LARP4: variants seen among roughly 807,000 people sequenced by gnomAD.
LARP4 encodes la-related protein 4.
A neutral mutation model predicts 92.9 loss-of-function variants in LARP4; 29 were observed. The ratio of observed to expected loss-of-function variants is 0.31; its 90% CI spans 0.23 to 0.43. LARP4 has a LOEUF of 0.43. Ranked by LOEUF, LARP4 falls within the 20% of genes least tolerant of loss-of-function variation. LARP4 has a pLI of 1.00. For synonymous variants in LARP4, 279 were observed against 284.1 expected, an observed-to-expected ratio of 0.98 and a Z score of 0.18; for missense variants, 732 against 860.0, an observed-to-expected ratio of 0.85 and a Z score of 1.86.
chr12:50,449,923 ATTTTTTTTTTTTTTT>A (rs60763691), intron 8 of LARP4, among the ~76,000 whole-genome samples: 3 of 47,046 alleles, frequency 6.4e-5, no homozygotes, highest in South Asian at 1.4e-3. Flanking sequence ...AGCCATAGCA[ATTTTTTTTTTTTTTT>A]TTTTTTTTTT....
intron 1 of LARP4, among the ~76,000 whole-genome samples, chr12:50,417,818 C>G (rs1184669147): frequency 2.0e-5 from 3 of 152,174 alleles, no homozygotes; most frequent in Non-Finnish European, 2.9e-5. Flanking sequence ...CTCAGCCTCC[C>G]AAGTGGCTGG....
At chr12:50,408,906 G>A (rs1273174694) in intron 1 of LARP4, among the ~76,000 whole-genome samples, 2 of 152,102 alleles carry the variant, frequency 1.3e-5, no homozygotes, top group African/African-American at 4.8e-5. Context: ...ACTTTGGGAG[G>A]CTGAGGTGGG....
intron 1 of LARP4, among the ~76,000 whole-genome samples, chr12:50,421,710 C>T (rs1021197154): frequency 2.0e-5 from 3 of 151,768 alleles, no homozygotes; most frequent in Admixed American, 1.3e-4. Flanking sequence ...GTGGGGAGAA[C>T]ACCAATCTGG....
At chr12:50,461,502 T>G in intron 11 of LARP4, 155 bp downstream of exon 11, 1 of 804,940 alleles carries the variant, frequency 1.2e-6, no homozygotes, top group Non-Finnish European at 1.9e-6. Context: ...AGTTGGTTGC[T>G]TTTTATAATT....
intron 7 of LARP4, 130 bp from the exon 8 acceptor site, chr12:50,441,460 C>T: frequency 1.8e-6 from 1 of 562,974 alleles, no homozygotes; most frequent in Non-Finnish European, 3.1e-6. Context: ...CATTCCCTGT[C>T]CACCTGCACA....
chr12:50,401,337 A>T (rs1399471180), intron 1 of LARP4: 6 of 346,674 alleles, frequency 1.7e-5, no homozygotes, highest in East Asian at 6.1e-5. Flanking sequence ...AGGAGGCAGC[A>T]TTGGGGGGTT....
chr12:50,453,145 G>T (rs1953564736), intron 8 of LARP4, among the ~76,000 whole-genome samples: 1 of 150,906 alleles, frequency 6.6e-6, no homozygotes, highest in African/African-American at 2.4e-5. Context: ...GAACTCCTGG[G>T]CTCATGCGAT....
intron 2 of LARP4, among the ~76,000 whole-genome samples, chr12:50,428,486 G>A (rs1372815846): frequency 3.9e-5 from 6 of 152,014 alleles, no homozygotes; most frequent in Non-Finnish European, 7.4e-5. Context: ...AGTAGTAGCC[G>A]TGTTTTTGGG....
chr12:50,476,502 C>T lies in LARP4; in HGVS notation c.*638C>T, dbSNP rs1343979571. 6.6e-6 allele frequency: 1 copy of T among 152,210 alleles called. No individual in the cohort carries two copies. Among genetic ancestry groups the T allele is most frequent in the Non-Finnish European group, 1.5e-5 (1 of 67,984 alleles). The allele number at this position is 152,210 out of a possible 1,614,324, so 9.4% of individuals were successfully genotyped here. Reference sequence around the variant, plus strand: ...TTTTTTTTCTAGTTTGAAATTTAGTCTGTCTTTTTGACCTTACTAATATTT... The same window carrying T: ...TTTTTTTTCTAGTTTGAAATTTAGTTTGTCTTTTTGACCTTACTAATATTT... On this transcript the variant is annotated 3_prime_UTR_variant, in exon 16 of 16. Transcript: ENST00000398473.
intron 4 of LARP4, 90 bp downstream of exon 4, chr12:50,430,660 ATT>A: frequency 1.1e-5 from 7 of 618,556 alleles, no homozygotes; most frequent in Non-Finnish European, 1.6e-5. Flanking sequence ...TATTTAACTA[ATT>A]TTTTTTTTTA....
rs60763691 is a variant in LARP4 at position 50,449,923 on chromosome 12, A to ATTTTT, written c.805-3512_805-3508dup. ...GACCTTTTGTTATACAGCCATAGCA[A>ATTTTT]TTTTTTTTTTTTTTTTTTTTTTTTT... is the stretch of plus-strand genomic sequence containing the variant. On this transcript the variant is annotated intron_variant, in intron 8 of 15. Coordinates refer to ENST00000398473, the MANE Select transcript of LARP4 (RefSeq NM_052879.5). Among the ~76,000 whole-genome samples, 27 of 47,042 alleles carry ATTTTT rather than the reference A, an allele frequency of 5.7e-4. 2 individuals are homozygous for ATTTTT. The highest frequency in any genetic ancestry group is 1.8e-3 in the African/African-American group (21 of 11,774). The allele number at this position is 47,042 out of a possible 152,430, so 30.9% of individuals were successfully genotyped here. A position where few individuals can be genotyped will look rare whatever the true frequency, so the allele number is the denominator to read the frequency against.
At chr12:50,474,783 A>G (rs1387460153) in intron 15 of LARP4, among the ~76,000 whole-genome samples, 3 of 152,128 alleles carry the variant, frequency 2.0e-5, no homozygotes, top group African/African-American at 4.8e-5. Flanking sequence ...TTTTGGTTGT[A>G]TATGTGATAC....
chr12:50,458,096 C>G (rs1954655862), intron 10 of LARP4, among the ~76,000 whole-genome samples: 1 of 151,384 alleles, frequency 6.6e-6, no homozygotes, highest in Non-Finnish European at 1.5e-5. Flanking sequence ...CCATGCCTAG[C>G]TAAGTTTTTG....
chr12:50,443,058 G>T (rs1951469710), intron 8 of LARP4, among the ~76,000 whole-genome samples: 1 of 152,038 alleles, frequency 6.6e-6, no homozygotes, highest in African/African-American at 2.4e-5. Flanking sequence ...TTTCAGAAGT[G>T]GGTCTTTGGT....
At chr12:50,424,143 A>G (rs1345622692) in intron 1 of LARP4, among the ~76,000 whole-genome samples, 1 of 152,154 alleles carries the variant, frequency 6.6e-6, no homozygotes, top group Non-Finnish European at 1.5e-5. Context: ...TGAGGTTGAG[A>G]GGATCTGTTG....
chr12:50,456,909 A>C (rs1332449902), intron 10 of LARP4, among the ~76,000 whole-genome samples: 1 of 109,364 alleles, frequency 9.1e-6, no homozygotes, highest in East Asian at 2.2e-4. Flanking sequence ...AAGATGTAAC[A>C]GGTAATATAA....
rs760222423 is a variant in LARP4 at position 50,427,802 on chromosome 12, A to C, written c.59A>C (p.Lys20Thr). The C allele has an allele frequency of 6.3e-7, 1 of 1,597,752 alleles. No individual in the cohort carries two copies. Among genetic ancestry groups the C allele is most frequent in the Non-Finnish European group, 8.6e-7 (1 of 1,169,040 alleles). ...GGAACTGGTTTAAATCCTAATGCCA[A>C]AGTATGGCAAGAAATTGCTCCTGGA... is the stretch of plus-strand genomic sequence containing the variant. The part of the protein sequence containing the change: ...SKGTGLNPNA[K>T]VWQEIAPGNT... The change falls in exon 2 of 16, where the codon AAA becomes ACA. Residue 20 changes from lysine (K) to threonine (T), a missense_variant. Physicochemically the swap from Lys to Thr is moderately conservative, Grantham distance 78. Coordinates refer to ENST00000398473, the MANE Select transcript of LARP4 (RefSeq NM_052879.5).
intron 8 of LARP4, among the ~76,000 whole-genome samples, chr12:50,445,997 T>C (rs917049736): frequency 4.8e-5 from 7 of 146,742 alleles, no homozygotes; most frequent in African/African-American, 1.5e-4. Flanking sequence ...TCTTTTTTTC[T>C]TTTTTCTTTT....
chr12:50,433,627 T>G (rs781234100), intron 4 of LARP4, among the ~76,000 whole-genome samples: 9 of 151,318 alleles, frequency 5.9e-5, no homozygotes, highest in Non-Finnish European at 1.3e-4. Context: ...ATTTTCAGAT[T>G]CTTAAGGAAT....
Sources: gnomAD v4.1 joint callset for allele counts (sites outside exome capture counted in the v4.1 genomes callset) on GRCh38, gnomAD v4.1.1 for gene constraint, MANE v1.5 for transcripts, NCBI Gene and HGNC (gene_info 2026-07-23, HGNC 2026-07-21) for gene names.